The following SPAG17 variants were observed in gnomAD, a reference collection of about 807,000 sequenced individuals.
SPAG17 encodes sperm-associated antigen 17.
A neutral mutation model predicts 273.6 loss-of-function variants in SPAG17; 169 were observed. The observed-to-expected ratio is 0.62, with a 90% CI of 0.55 to 0.70. The LOEUF (loss-of-function observed/expected upper bound fraction) is 0.70. Among genes scored for constraint, SPAG17 ranks in the 30% least tolerant of loss-of-function variants. SPAG17 has a pLI of 0.00. For synonymous variants in SPAG17, 825 were observed against 873.2 expected, an observed-to-expected ratio of 0.94 and a Z score of 0.97; for missense variants, 2,557 against 2,627.8, an observed-to-expected ratio of 0.97 and a Z score of 0.59.
chr1:117,971,812 C>A, intron 45 of SPAG17, 51 bp downstream of exon 45: 2 of 1,504,558 alleles, frequency 1.3e-6, no homozygotes, highest in South Asian at 2.6e-5. Context: ...AAAGACAAGT[C>A]ACAGGGTAGG....
Position 118,104,723 on chromosome 1 carries a change from C to G in SPAG17, c.448-2797G>C, listed in dbSNP as rs141506141. On this transcript the variant is annotated intron_variant, in intron 4 of 48. Transcript: ENST00000336338. ...TAAGAAACCAAAAAGGTCAAAAAGA[C>G]AAGAATTGGCAGTTGTAGGTAACAT... 1.4e-3 allele frequency among the ~76,000 whole-genome samples: 217 copies of G among 152,258 alleles called. 1 individual carries two copies. The highest frequency in any genetic ancestry group is 6.8e-3 in the Middle Eastern group (2 of 294).
chr1:118,135,407 G>GTA (rs778632056), intron 3 of SPAG17, among the ~76,000 whole-genome samples: 4 of 130,802 alleles, frequency 3.1e-5, no homozygotes, highest in Non-Finnish European at 5.1e-5. Flanking sequence ...GTGTGTGTGT[G>GTA]TGTATGTGTG....
chr1:118,078,854 T>A (rs1297295067), intron 15 of SPAG17, among the ~76,000 whole-genome samples: 1 of 152,064 alleles, frequency 6.6e-6, no homozygotes, highest in East Asian at 1.9e-4. Flanking sequence ...ATGTGTTAAT[T>A]GATGTTATAT....
rs556360788 is a variant in SPAG17, at chr1:118,002,809, C to A, written c.4776+2605G>T. On this transcript the variant is annotated intron_variant, in intron 32 of 48. Transcript: ENST00000336338. The stretch of plus-strand genomic sequence containing the variant: ...GCCAGTCTATGTCTTTTAATTGGGG[C>A]ATTTAGCCCATTTACATTTAAGGTT... Among the ~76,000 whole-genome samples the A allele has an allele frequency of 1.1e-4, 16 of 152,268 alleles. No individual in the cohort carries two copies. In the East Asian group the frequency reaches 1.9e-3, roughly 18 times the overall value.
chr1:117,973,685 CTTAT>C (rs780287328), intron 43 of SPAG17, 124 bp from the exon 44 acceptor site: 8 of 839,116 alleles, frequency 9.5e-6, no homozygotes, highest in African/African-American at 5.4e-5. Context: ...TTTCAAAGAG[CTTAT>C]TTATTTATTT....
At chr1:118,022,847 C>G (rs1054309742) in intron 28 of SPAG17, among the ~76,000 whole-genome samples, 1 of 152,100 alleles carries the variant, frequency 6.6e-6, no homozygotes, top group Non-Finnish European at 1.5e-5. Flanking sequence ...CCTTTTGCTT[C>G]CTGATGAACA....
At chr1:118,096,132 AACTGATCTC>A (rs1457012854) in intron 7 of SPAG17, among the ~76,000 whole-genome samples, 1 of 152,202 alleles carries the variant, frequency 6.6e-6, no homozygotes, top group Non-Finnish European at 1.5e-5. Flanking sequence ...TTATAACTCA[AACTGATCTC>A]TCCATTACTA....
intron 15 of SPAG17, among the ~76,000 whole-genome samples, chr1:118,078,458 T>G (rs1024770284): frequency 1.3e-5 from 2 of 152,156 alleles, no homozygotes; most frequent in Non-Finnish European, 2.9e-5. Context: ...AGCCTCCTTA[T>G]TAAACTTTCA....
chr1:118,085,835 C>CT, intron 13 of SPAG17, 87 bp downstream of exon 13: 3 of 1,329,742 alleles, frequency 2.3e-6, no homozygotes, highest in Non-Finnish European at 3.1e-6. Flanking sequence ...AATGAAAATA[C>CT]TTTTTGTAAA....
At chr1:118,142,526 A>G (rs1372041409) in intron 3 of SPAG17, among the ~76,000 whole-genome samples, 1 of 152,236 alleles carries the variant, frequency 6.6e-6, no homozygotes, top group Non-Finnish European at 1.5e-5. Context: ...ATGGGTTTCT[A>G]GTATTTTCAT....
At chr1:118,177,743 A>C (rs541433118) in intron 1 of SPAG17, among the ~76,000 whole-genome samples, 74 of 152,296 alleles carry the variant, frequency 4.9e-4, no homozygotes, top group African/African-American at 1.7e-3. Flanking sequence ...AGATATAACA[A>C]CTAAGACCAC....
At chr1:118,016,797 C>T (rs1330447991) in intron 28 of SPAG17, among the ~76,000 whole-genome samples, 2 of 152,162 alleles carry the variant, frequency 1.3e-5, no homozygotes, top group African/African-American at 4.8e-5. Context: ...TTACCTCCCA[C>T]TCATTTGGAA....
At chr1:118,089,803 C>G (rs955845658) in intron 10 of SPAG17, among the ~76,000 whole-genome samples, 4 of 152,172 alleles carry the variant, frequency 2.6e-5, no homozygotes, top group African/African-American at 9.6e-5. Context: ...TGTATCTCCA[C>G]CTAAATCTCA....
intron 28 of SPAG17, among the ~76,000 whole-genome samples, chr1:118,016,968 C>T (rs1660042086): frequency 6.6e-6 from 1 of 152,130 alleles, no homozygotes; most frequent in South Asian, 2.1e-4. Flanking sequence ...AACTCAGACC[C>T]TGAAACAAAT....
At position 118,091,595 on chromosome 1, in the gene SPAG17, A is replaced by T. The variant is rs1264729042; in HGVS notation, c.1359+11T>A. 1.3e-6 allele frequency: 2 copies of T among 1,514,334 alleles called. No individual in the cohort carries two copies. The highest frequency in any genetic ancestry group is 1.7e-5 in the Admixed American group (1 of 58,876). The allele number at this position is 1,514,334 out of a possible 1,614,324, so 93.8% of individuals were successfully genotyped here. A position where few individuals can be genotyped will look rare whatever the true frequency, so the allele number is the denominator to read the frequency against. ...TACTCAAGTATACAACCTGGGAAAA[A>T]GCCTCCCCACCTGTTCCAGCATACA... On this transcript the variant is annotated intron_variant, in intron 10 of 48. Transcript: ENST00000336338.
At position 118,044,659 on chromosome 1, in the gene SPAG17, G is replaced by C. The variant is rs182647025; in HGVS notation, c.2815-2617C>G. Among the ~76,000 whole-genome samples, 428 of 152,270 alleles carry C rather than the reference G, an allele frequency of 2.8e-3. 5 individuals carry two copies. The highest frequency in any genetic ancestry group is 9.8e-3 in the African/African-American group (408 of 41,548). On this transcript the variant is annotated intron_variant, in intron 20 of 48. Coordinates refer to ENST00000336338, the MANE Select transcript of SPAG17 (RefSeq NM_206996.4). Reference sequence around the variant, plus strand: ...TGTGGAACTGTAATCTCCAATGTTGGAGGAGGAGTCTGGTGGGAGGTGATT... The same window carrying C: ...TGTGGAACTGTAATCTCCAATGTTGCAGGAGGAGTCTGGTGGGAGGTGATT...
intron 48 of SPAG17, among the ~76,000 whole-genome samples, chr1:117,958,139 T>C (rs185350097): frequency 6.6e-6 from 1 of 152,290 alleles, no homozygotes; most frequent in East Asian, 1.9e-4. Context: ...GGTCAGCCAA[T>C]GCCAAATAGT....
At chr1:118,095,336 C>T (rs181615797) in intron 7 of SPAG17, among the ~76,000 whole-genome samples, 79 of 152,286 alleles carry the variant, frequency 5.2e-4, no homozygotes, top group African/African-American at 1.8e-3. Context: ...CAGCTTTATG[C>T]AGCCTGTGCC....
At chr1:118,039,876 ATGG>A (rs772461285) in intron 22 of SPAG17, among the ~76,000 whole-genome samples, 2 of 152,160 alleles carry the variant, frequency 1.3e-5, no homozygotes, top group Non-Finnish European at 2.9e-5. Flanking sequence ...AAATAAAGTA[ATGG>A]TGGAATTCCA....
Sources: allele counts gnomAD v4.1 joint callset (sites outside exome capture counted in the v4.1 genomes callset), GRCh38; gene constraint gnomAD v4.1.1; transcripts MANE v1.5; gene names NCBI Gene and HGNC (gene_info 2026-07-23, HGNC 2026-07-21).